Variants in LRBA observed in about 807,000 individuals in gnomAD.
The protein encoded by LRBA is lipopolysaccharide-responsive and beige-like anchor protein.
Under a neutral mutation model 330.0 loss-of-function variants are expected in LRBA, and 176 were observed. That is an observed-to-expected ratio of 0.53 (90% CI 0.47 to 0.60). LRBA has a LOEUF of 0.60. Among genes scored for constraint, LRBA ranks in the 20% least tolerant of loss-of-function variants. The probability of loss-of-function intolerance (pLI) is 0.00; values close to 1 mark genes in which losing one functional copy is unlikely to be tolerated. For missense variants in LRBA, 3,259 were observed against 3,444.8 expected, an observed-to-expected ratio of 0.95 and a Z score of 1.35; for synonymous variants, 1,230 against 1,193.0, an observed-to-expected ratio of 1.03 and a Z score of -0.64.
chr4:150,803,299 T>A (rs986568015), intron 33 of LRBA, among the ~76,000 whole-genome samples: 9 of 151,782 alleles, frequency 5.9e-5, no homozygotes, highest in Non-Finnish European at 1.5e-5. Flanking sequence ...TGACATGACA[T>A]CTAAGATAGT....
At chr4:150,639,922 T>C (rs771374225) in intron 37 of LRBA, among the ~76,000 whole-genome samples, 1 of 140,018 alleles carries the variant, frequency 7.1e-6, no homozygotes, top group Non-Finnish European at 1.5e-5. Context: ...AATGGTATGA[T>C]CTCTGCTCAC....
chr4:150,891,755 T>C (rs1397078023), intron 17 of LRBA, among the ~76,000 whole-genome samples: 1 of 152,204 alleles, frequency 6.6e-6, no homozygotes, highest in Non-Finnish European at 1.5e-5. Context: ...TCTGTTTCCC[T>C]GGAGAACTCT....
intron 53 of LRBA, among the ~76,000 whole-genome samples, chr4:150,299,815 A>G (rs1358208080): frequency 1.3e-5 from 2 of 152,100 alleles, no homozygotes; most frequent in East Asian, 3.8e-4. Flanking sequence ...AAAGTCTACA[A>G]TAAAAAATTT....
intron 47 of LRBA, among the ~76,000 whole-genome samples, chr4:150,368,171 C>T (rs1185657380): frequency 3.3e-5 from 5 of 152,094 alleles, no homozygotes; most frequent in South Asian, 2.1e-4. Context: ...TGTAGTCCTC[C>T]GAGATTTCAG....
At chr4:150,663,195 A>C (rs151245120) in intron 37 of LRBA, among the ~76,000 whole-genome samples, 3 of 152,216 alleles carry the variant, frequency 2.0e-5, no homozygotes, top group Non-Finnish European at 4.4e-5. Flanking sequence ...GTCACGGTTA[A>C]TGAGAATTCT....
intron 40 of LRBA, among the ~76,000 whole-genome samples, chr4:150,559,920 A>C (rs1339202132): frequency 2.7e-5 from 2 of 73,490 alleles, no homozygotes; most frequent in South Asian, 3.1e-4. Flanking sequence ...TATAATATAT[A>C]AATATAAATA....
chr4:150,831,873 C>T lies in LRBA; in HGVS notation c.4673G>A (p.Arg1558Lys). ...YRDILEPQNE[R>K]HSQSCTETGS... ...AGTTTCTGTACATGACTGGCTATGC[C>T]TTTCATTTTGGGGTTCCAAAATGTC... The change falls in exon 29 of 57, where the codon AGG becomes AAG. Residue 1558 changes from arginine (R) to lysine (K), a missense_variant. Coordinates refer to ENST00000651943, the MANE Select transcript of LRBA (RefSeq NM_001364905.1). The T allele has an allele frequency of 6.2e-7, 1 of 1,604,720 alleles. No individual in the cohort carries two copies. The highest frequency in any genetic ancestry group is 8.5e-7 in the Non-Finnish European group (1 of 1,175,514).
chr4:150,521,426 C>T (rs957680165), intron 40 of LRBA, among the ~76,000 whole-genome samples: 1 of 151,992 alleles, frequency 6.6e-6, no homozygotes, highest in African/African-American at 2.4e-5. Flanking sequence ...CTTTTCTTTT[C>T]ACTTTTATTG....
intron 53 of LRBA, among the ~76,000 whole-genome samples, chr4:150,292,215 T>C (rs1333193070): frequency 6.6e-6 from 1 of 152,156 alleles, no homozygotes; most frequent in South Asian, 2.1e-4. Flanking sequence ...CTCATAAATA[T>C]CCAGTGAGAA....
At chr4:150,723,163 G>A (rs866381355) in intron 36 of LRBA, among the ~76,000 whole-genome samples, 7 of 152,248 alleles carry the variant, frequency 4.6e-5, no homozygotes, top group Admixed American at 2.0e-4. Context: ...TCCTAGTGCT[G>A]GGTTGGGCTC....
intron 35 of LRBA, among the ~76,000 whole-genome samples, chr4:150,761,028 A>C (rs1735008574): frequency 1.3e-5 from 2 of 152,130 alleles, no homozygotes; most frequent in Admixed American, 1.3e-4. Flanking sequence ...CTAAAACACT[A>C]ATCGAACATT....
At chr4:150,925,091 A>G (rs1472204978) in intron 4 of LRBA, among the ~76,000 whole-genome samples, 2 of 151,864 alleles carry the variant, frequency 1.3e-5, no homozygotes, top group Non-Finnish European at 2.9e-5. Flanking sequence ...TCTTGATACC[A>G]GGAAGCTGAG....
At chr4:150,315,223 CGT>C in intron 51 of LRBA, 1 of 347,468 alleles carries the variant, frequency 2.9e-6, no homozygotes, top group South Asian at 3.4e-5. Flanking sequence ...TTCATCATAA[CGT>C]GCCTTGCTCC....
At chr4:150,532,907 A>G (rs1465850735) in intron 40 of LRBA, among the ~76,000 whole-genome samples, 1 of 152,160 alleles carries the variant, frequency 6.6e-6, no homozygotes, top group Non-Finnish European at 1.5e-5. Flanking sequence ...TACTGAGAGG[A>G]AAAAAACTAT....
rs1170423287 is a variant in LRBA at position 150,708,475 on chromosome 4, T to G, written c.5755-24758A>C. 2.0e-5 allele frequency among the ~76,000 whole-genome samples: 3 copies of G among 151,938 alleles called. No homozygotes were observed. The East Asian group carries it at 5.8e-4, about 29-fold the overall frequency. On this transcript the variant is annotated intron_variant, in intron 36 of 56. Coordinates refer to ENST00000651943, the MANE Select transcript of LRBA (RefSeq NM_001364905.1). Reference sequence around the variant, plus strand: ...GTTATAAAGTCGGGCTGAAATGGTTTCCATGACTTAAATAAAAGACTTAAT... The same window carrying G: ...GTTATAAAGTCGGGCTGAAATGGTTGCCATGACTTAAATAAAAGACTTAAT...
intron 48 of LRBA, among the ~76,000 whole-genome samples, chr4:150,326,439 A>G (rs1233178557): frequency 6.6e-6 from 1 of 152,206 alleles, no homozygotes; most frequent in Non-Finnish European, 1.5e-5. Flanking sequence ...AGTAAAAGCC[A>G]TATGTTGCAT....
chr4:150,466,769 T>G (rs1412656066), intron 44 of LRBA, among the ~76,000 whole-genome samples: 1 of 152,076 alleles, frequency 6.6e-6, no homozygotes, highest in African/African-American at 2.4e-5. Context: ...GACTTTGTAC[T>G]CAGACATTAA....
intron 51 of LRBA, among the ~76,000 whole-genome samples, chr4:150,312,292 G>A (rs1445307238): frequency 6.6e-6 from 1 of 151,974 alleles, no homozygotes; most frequent in African/African-American, 2.4e-5. Context: ...CTTCAAACTA[G>A]GGTATGCATA....
intron 2 of LRBA, among the ~76,000 whole-genome samples, chr4:150,939,747 C>T (rs147593754): frequency 4.2e-4 from 64 of 152,236 alleles, no homozygotes; most frequent in South Asian, 2.1e-3. Context: ...CCTACAACAC[C>T]GTACTCTCCT....
Sources: allele counts gnomAD v4.1 joint callset (sites outside exome capture counted in the v4.1 genomes callset), GRCh38; gene constraint gnomAD v4.1.1; transcripts MANE v1.5; gene names NCBI Gene and HGNC (gene_info 2026-07-23, HGNC 2026-07-21).